The following WWTR1 variants were observed in gnomAD, a reference collection of about 807,000 sequenced individuals.
The protein encoded by WWTR1 is WW domain containing transcription regulator 1.
A neutral mutation model predicts 40.1 loss-of-function variants in WWTR1; 13 were observed. That is an observed-to-expected ratio of 0.32 (90% CI 0.21 to 0.52). The LOEUF (loss-of-function observed/expected upper bound fraction) is 0.52. WWTR1 is among the 20% of genes least tolerant of loss of function. The pLI is 0.97. For missense variants in WWTR1, 436 were observed against 523.1 expected (o/e 0.83, Z 1.63); for synonymous variants, 230 against 210.1 (o/e 1.09, Z -0.82).
In WWTR1 at chr3:149,620,565, C is replaced by CT. The variant is rs760530861; in HGVS notation, c.431+36310_431+36311insA. ...TCTTCTGCACCCCTCCTCCACCGCT[C>CT]CCCCCCACACACACACACTCATCTT... On this transcript the variant is annotated intron_variant, in intron 2 of 6. Coordinates refer to ENST00000360632, the MANE Select transcript of WWTR1 (RefSeq NM_015472.6). Among the ~76,000 whole-genome samples, 188 of 27,390 alleles carry CT rather than the reference C, an allele frequency of 6.9e-3. 1 individual carries two copies. The highest frequency in any genetic ancestry group is 8.2e-3 in the Non-Finnish European group (145 of 17,726). 18.0% of individuals were successfully genotyped at this position (27,390 alleles called of 152,430 possible).
At chr3:149,598,088 A>G (rs1375062031) in intron 2 of WWTR1, among the ~76,000 whole-genome samples, 1 of 152,168 alleles carries the variant, frequency 6.6e-6, no homozygotes, top group African/African-American at 2.4e-5. Flanking sequence ...AATATGTGAC[A>G]GGGCCTAACA....
intron 2 of WWTR1, among the ~76,000 whole-genome samples, chr3:149,650,362 A>C (rs1228424124): frequency 6.6e-6 from 1 of 152,126 alleles, no homozygotes; most frequent in Non-Finnish European, 1.5e-5. Flanking sequence ...CATCTCTGCC[A>C]CTCACCTGTT....
At chr3:149,594,399 T>A (rs1738879016) in intron 2 of WWTR1, among the ~76,000 whole-genome samples, 1 of 152,188 alleles carries the variant, frequency 6.6e-6, no homozygotes, top group Admixed American at 6.5e-5. Context: ...AAAACACATC[T>A]GAGACCATTA....
At chr3:149,534,331 T>C (rs373860367) in intron 4 of WWTR1, among the ~76,000 whole-genome samples, 13 of 152,062 alleles carry the variant, frequency 8.5e-5, no homozygotes, top group Admixed American at 5.2e-4. Flanking sequence ...AAGTTGAGGG[T>C]TGAGGTTGAC....
intron 1 of WWTR1, 180 bp downstream of exon 1, chr3:149,657,585 G>T (rs150012708): frequency 2.8e-4 from 118 of 427,896 alleles, no homozygotes; most frequent in African/African-American, 2.3e-3. Flanking sequence ...GGGAATAACT[G>T]CACTCGGGGC....
intron 1 of WWTR1, among the ~76,000 whole-genome samples, chr3:149,684,577 T>G (rs1045987636): frequency 2.6e-5 from 4 of 151,952 alleles, no homozygotes; most frequent in African/African-American, 7.3e-5. Context: ...TTTTTTTTCC[T>G]TTTTGAGACA....
At chr3:149,714,499 G>A (rs1338930841) in intron 5 of WWTR1, among the ~76,000 whole-genome samples, 2 of 152,252 alleles carry the variant, frequency 1.3e-5, no homozygotes, top group Non-Finnish European at 2.9e-5. Flanking sequence ...GGTGTGCGCA[G>A]GCTCAGGGCA....
chr3:149,586,451 G>A (rs1470666458), intron 2 of WWTR1, among the ~76,000 whole-genome samples: 3 of 152,142 alleles, frequency 2.0e-5, no homozygotes, highest in Non-Finnish European at 2.9e-5. Flanking sequence ...ACCAAATCGG[G>A]AAACCATGTG....
intron 1 of WWTR1, among the ~76,000 whole-genome samples, chr3:149,682,121 C>T (rs12632606): frequency 0.3 from 45,752 of 151,768 alleles, 7,207 homozygotes; most frequent in Admixed American, 0.39. Context: ...AAGTAAGTAC[C>T]GTAGACTGAT....
intron 2 of WWTR1, among the ~76,000 whole-genome samples, chr3:149,598,675 T>C (rs1185487036): frequency 2.0e-5 from 3 of 152,184 alleles, no homozygotes; most frequent in Admixed American, 6.5e-5. Context: ...TTTAACATCA[T>C]AACAATATTC....
At chr3:149,698,257 T>A (rs1463641359) in intron 1 of WWTR1, among the ~76,000 whole-genome samples, 1 of 152,170 alleles carries the variant, frequency 6.6e-6, no homozygotes, top group Non-Finnish European at 1.5e-5. Flanking sequence ...ATGAGGGCAG[T>A]TCCCCCCATA....
chr3:149,676,477 G>A (rs980954517), intron 1 of WWTR1, among the ~76,000 whole-genome samples: 11 of 151,722 alleles, frequency 7.3e-5, no homozygotes, highest in Admixed American at 7.2e-4. Flanking sequence ...GAAGGAACAA[G>A]AAAAAAAATC....
chr3:149,658,711 G>A (rs1713419129), upstream of WWTR1: 1 of 152,294 alleles, frequency 6.6e-6, no homozygotes, highest in African/African-American at 2.4e-5. Flanking sequence ...GCCAACGGGT[G>A]GGTTGTAAAC....
At chr3:149,714,312 G>C (rs1020532291) in intron 5 of WWTR1, among the ~76,000 whole-genome samples, 1 of 152,140 alleles carries the variant, frequency 6.6e-6, no homozygotes, top group Non-Finnish European at 1.5e-5. Flanking sequence ...TGCAGACGCC[G>C]AGCTGCGACT....
At chr3:149,595,888 C>T (rs920146825) in intron 2 of WWTR1, among the ~76,000 whole-genome samples, 2 of 151,988 alleles carry the variant, frequency 1.3e-5, no homozygotes, top group Non-Finnish European at 2.9e-5. Context: ...AAAAATTACC[C>T]CAGGCATGGT....
At chr3:149,598,182 T>C (rs1478988865) in intron 2 of WWTR1, among the ~76,000 whole-genome samples, 2 of 152,178 alleles carry the variant, frequency 1.3e-5, no homozygotes, top group Non-Finnish European at 1.5e-5. Flanking sequence ...ACCTGTCTCC[T>C]AGCAGCATGT....
chr3:149,666,666 T>A (rs555476974), intron 2 of WWTR1, among the ~76,000 whole-genome samples: 1 of 152,344 alleles, frequency 6.6e-6, no homozygotes, highest in East Asian at 1.9e-4. Context: ...AATGGGCAGA[T>A]ACACCTTACT....
chr3:149,571,209 CTTTTCTTTTT>C (rs1204535925), intron 3 of WWTR1, among the ~76,000 whole-genome samples: 14 of 99,050 alleles, frequency 1.4e-4, no homozygotes, highest in African/African-American at 4.8e-4. Context: ...ATTTTTTTTT[CTTTTCTTTTT>C]TTTTTTTTTT....
chr3:149,687,682 G>T (rs1017770848), intron 1 of WWTR1, among the ~76,000 whole-genome samples: 6 of 152,176 alleles, frequency 3.9e-5, no homozygotes, highest in African/African-American at 1.4e-4. Flanking sequence ...CTCACCTATG[G>T]TGGCCATGGG....
Sources: gnomAD v4.1 joint callset for allele counts (sites outside exome capture counted in the v4.1 genomes callset) on GRCh38, gnomAD v4.1.1 for gene constraint, MANE v1.5 for transcripts, NCBI Gene and HGNC (gene_info 2026-07-23, HGNC 2026-07-21) for gene names.